SOX13: variants seen among roughly 807,000 people sequenced by gnomAD.
SOX13 encodes SRY-box transcription factor 13.
A neutral mutation model predicts 71.8 loss-of-function variants in SOX13; 28 were observed. That is an observed-to-expected ratio of 0.39 (90% CI 0.29 to 0.53). The LOEUF is 0.53. SOX13 is among the 20% of genes least tolerant of loss of function. The pLI, the probability that SOX13 is intolerant of heterozygous loss-of-function variation, is 0.70. For synonymous variants in SOX13, 309 were observed against 317.8 expected, an observed-to-expected ratio of 0.97 and a Z score of 0.29; for missense variants, 627 against 810.3, an observed-to-expected ratio of 0.77 and a Z score of 2.75.
intron 6 of SOX13, 64 bp downstream of exon 6, chr1:204,117,254 G>A: frequency 1.4e-6 from 2 of 1,421,660 alleles, no homozygotes; most frequent in African/African-American, 2.8e-5. Context: ...CCGGCCTGGA[G>A]GGTGCTGGGG....
chr1:204,093,981 GAGA>G (rs1558213136), intron 1 of SOX13, among the ~76,000 whole-genome samples: 1 of 152,164 alleles, frequency 6.6e-6, no homozygotes, highest in Non-Finnish European at 1.5e-5. Flanking sequence ...TTGTCTCTCA[GAGA>G]AGAAGTAATA....
At chr1:204,075,535 A>T (rs141446439) in intron 1 of SOX13, among the ~76,000 whole-genome samples, 1 of 152,274 alleles carries the variant, frequency 6.6e-6, no homozygotes, top group African/African-American at 2.4e-5. Flanking sequence ...AGAGTTATGC[A>T]CCCAACTTTG....
intron 1 of SOX13, among the ~76,000 whole-genome samples, chr1:204,110,902 CAAA>C (rs35786896): frequency 7.2e-6 from 1 of 138,858 alleles, no homozygotes; most frequent in Non-Finnish European, 1.6e-5. Flanking sequence ...AATCCCCATG[CAAA>C]AAAAAAAAAA....
At chr1:204,082,085 G>A (rs543776408) in intron 1 of SOX13, among the ~76,000 whole-genome samples, 2 of 151,556 alleles carry the variant, frequency 1.3e-5, no homozygotes, top group Non-Finnish European at 2.9e-5. Context: ...TGTGTGGGGG[G>A]GAGGGAAGCT....
At chr1:204,107,095 C>T (rs1656485492) in intron 1 of SOX13, among the ~76,000 whole-genome samples, 1 of 152,210 alleles carries the variant, frequency 6.6e-6, no homozygotes, top group Non-Finnish European at 1.5e-5. Context: ...CTCTCAACCA[C>T]TTGACTCTCA....
chr1:204,084,363 T>G (rs887549828), intron 1 of SOX13, among the ~76,000 whole-genome samples: 1 of 152,116 alleles, frequency 6.6e-6, no homozygotes, highest in East Asian at 1.9e-4. Flanking sequence ...CAACTGCAAA[T>G]TAGCCAGGCT....
chr1:204,105,215 G>A (rs943279184), intron 1 of SOX13, among the ~76,000 whole-genome samples: 1 of 152,198 alleles, frequency 6.6e-6, no homozygotes, highest in African/African-American at 2.4e-5. Context: ...GGCTCTGCAT[G>A]TCAAGGGCGA....
intron 1 of SOX13, among the ~76,000 whole-genome samples, chr1:204,111,182 G>T (rs548391953): frequency 3.6e-4 from 55 of 152,324 alleles, no homozygotes; most frequent in Admixed American, 1.3e-4. Flanking sequence ...CACCAGATCG[G>T]TGCTTACTGG....
intron 1 of SOX13, among the ~76,000 whole-genome samples, chr1:204,086,367 G>A (rs916886313): frequency 5.9e-5 from 9 of 152,128 alleles, no homozygotes; most frequent in African/African-American, 1.7e-4. Context: ...GCAGTGGCGC[G>A]ATCTCGGCTC....
chr1:204,109,309 C>T (rs1331241214), intron 1 of SOX13, among the ~76,000 whole-genome samples: 1 of 152,246 alleles, frequency 6.6e-6, no homozygotes. Context: ...AAATCAAATA[C>T]ACATGCACTC....
At position 204,081,513 on chromosome 1, in the gene SOX13, C is replaced by T. The variant is rs1216726273; in HGVS notation, c.-2+7802C>T. Among the ~76,000 whole-genome samples, 1 of 152,108 alleles carries T rather than the reference C, an allele frequency of 6.6e-6. No individual in the cohort carries two copies. The highest frequency in any genetic ancestry group is 1.5e-5 in the Non-Finnish European group (1 of 68,036). The stretch of plus-strand genomic sequence containing the variant: ...TGACAACTGAGTGGGCCCCACGGAC[C>T]CCCTGGCGGGCTCTGGGGGTGGGGG... On this transcript the variant is annotated intron_variant, in intron 1 of 13. Coordinates refer to ENST00000367204, the MANE Select transcript of SOX13 (RefSeq NM_005686.3). The surrounding 1 kb of genome is among the most constrained non-coding windows in gnomAD (Gnocchi z 4.3).
chr1:204,085,056 G>T (rs995326102), intron 1 of SOX13, among the ~76,000 whole-genome samples: 2 of 152,172 alleles, frequency 1.3e-5, no homozygotes, highest in Non-Finnish European at 2.9e-5. Flanking sequence ...TGAGACTTAA[G>T]GGATTCCAGG....
At chr1:204,090,495 G>A (rs377176409) in intron 1 of SOX13, among the ~76,000 whole-genome samples, 1 of 148,200 alleles carries the variant, frequency 6.7e-6, no homozygotes, top group Admixed American at 6.9e-5. Flanking sequence ...TGCAACCTCC[G>A]CCTCCAGGGT....
intron 1 of SOX13, among the ~76,000 whole-genome samples, chr1:204,080,616 G>T (rs1655882768): frequency 6.6e-6 from 1 of 151,982 alleles, no homozygotes; most frequent in African/African-American, 2.4e-5. Context: ...GTGAGAACTA[G>T]TTCCCAGAGG....
chr1:204,125,794 G>C, intron 13 of SOX13, 64 bp from the exon 14 acceptor site: 2 of 1,532,676 alleles, frequency 1.3e-6, no homozygotes, highest in Non-Finnish European at 1.8e-6. Context: ...AGGCCTGGAG[G>C]GGAGATGGGT....
chr1:204,075,258 T>C (rs1327996680), intron 1 of SOX13, among the ~76,000 whole-genome samples: 1 of 152,210 alleles, frequency 6.6e-6, no homozygotes, highest in Non-Finnish European at 1.5e-5. Flanking sequence ...TCTCCCTGCC[T>C]ACCGCGGTTG....
At chr1:204,090,919 G>T (rs1382188801) in intron 1 of SOX13, among the ~76,000 whole-genome samples, 1 of 152,168 alleles carries the variant, frequency 6.6e-6, no homozygotes, top group African/African-American at 2.4e-5. Context: ...GGAAGGGATG[G>T]TGTTAGTTTA....
rs1357462635 is a variant in SOX13 at position 204,122,008 on chromosome 1, C to G, written c.861+23C>G. The G allele has an allele frequency of 4.6e-6, 7 of 1,527,216 alleles. 1 individual carries two copies. The highest frequency in any genetic ancestry group is 2.7e-5 in the African/African-American group (2 of 73,348). 94.6% of individuals were successfully genotyped at this position (1,527,216 alleles called of 1,614,324 possible). On this transcript the variant is annotated intron_variant, in intron 8 of 13. Transcript: ENST00000367204. Reference sequence around the variant, plus strand: ...CAGGTACCGCCCTCTACCCACTGGCCTGGGGCTCCCTCTCGAGCTTATGAC... The same window carrying G: ...CAGGTACCGCCCTCTACCCACTGGCGTGGGGCTCCCTCTCGAGCTTATGAC...
At chr1:204,104,595 C>A (rs557075446) in intron 1 of SOX13, among the ~76,000 whole-genome samples, 5 of 152,316 alleles carry the variant, frequency 3.3e-5, no homozygotes, top group African/African-American at 1.2e-4. Flanking sequence ...TCAAGCCCTG[C>A]CCCACCCCTG....
Sources: allele counts gnomAD v4.1 joint callset (sites outside exome capture counted in the v4.1 genomes callset), GRCh38; gene constraint gnomAD v4.1.1; non-coding constraint Gnocchi (gnomAD v3.1); transcripts MANE v1.5; gene names NCBI Gene and HGNC (gene_info 2026-07-23, HGNC 2026-07-21).